Variants in ROBO1 observed in about 807,000 individuals in gnomAD.
ROBO1 encodes the protein roundabout guidance receptor 1.
Under a neutral mutation model 195.9 loss-of-function variants are expected in ROBO1, and 149 were observed. That is an observed-to-expected ratio of 0.76 (90% CI 0.67 to 0.87). The LOEUF (loss-of-function observed/expected upper bound fraction) is 0.87, where lower values mean the gene tolerates loss of function less well. ROBO1 is among the 40% of genes least tolerant of loss of function. ROBO1 has a pLI of 0.00. For missense variants in ROBO1, 1,933 were observed against 2,068.3 expected (o/e 0.93, Z 1.27); for synonymous variants, 816 against 733.2 (o/e 1.11, Z -1.82).
intron 3 of ROBO1, among the ~76,000 whole-genome samples, chr3:78,943,835 G>A (rs1352643277): frequency 6.6e-6 from 1 of 152,142 alleles, no homozygotes; most frequent in Non-Finnish European, 1.5e-5. Flanking sequence ...ACCCTTGGAG[G>A]TTATGACAAA....
At chr3:79,753,408 C>G (rs374938168) in intron 1 of ROBO1, among the ~76,000 whole-genome samples, 1 of 152,016 alleles carries the variant, frequency 6.6e-6, no homozygotes, top group African/African-American at 2.4e-5. Flanking sequence ...AGAAGTCAGA[C>G]AAAATAGGGT....
chr3:79,749,832 C>G (rs1175433063), intron 1 of ROBO1, among the ~76,000 whole-genome samples: 1 of 152,202 alleles, frequency 6.6e-6, no homozygotes, highest in Non-Finnish European at 1.5e-5. Context: ...GGGAAGGGAC[C>G]TCATGGAGAA....
At chr3:79,159,567 C>T (rs764213068) in intron 2 of ROBO1, among the ~76,000 whole-genome samples, 38 of 151,868 alleles carry the variant, frequency 2.5e-4, no homozygotes, top group Non-Finnish European at 5.2e-4. Context: ...AGAGAGCAAC[C>T]ATTTGATGTT....
chr3:79,056,575 A>G (rs1411945730), intron 3 of ROBO1, among the ~76,000 whole-genome samples: 2 of 152,124 alleles, frequency 1.3e-5, no homozygotes, highest in Non-Finnish European at 2.9e-5. Flanking sequence ...CTCTTGGGTA[A>G]CATTAATTAT....
At chr3:78,959,151 C>A (rs1239124257) in intron 3 of ROBO1, among the ~76,000 whole-genome samples, 1 of 151,892 alleles carries the variant, frequency 6.6e-6, no homozygotes, top group Non-Finnish European at 1.5e-5. Context: ...GAGCAAATAT[C>A]CCATCAAAAA....
intron 2 of ROBO1, among the ~76,000 whole-genome samples, chr3:79,479,562 C>T (rs1170034989): frequency 2.0e-5 from 3 of 152,084 alleles, no homozygotes; most frequent in Non-Finnish European, 4.4e-5. Context: ...GAGAATGGCC[C>T]AAAGCTGGTA....
At chr3:79,650,823 G>C (rs1945983033) in intron 1 of ROBO1, among the ~76,000 whole-genome samples, 1 of 151,700 alleles carries the variant, frequency 6.6e-6, no homozygotes, top group South Asian at 2.1e-4. Context: ...ACCATATAAA[G>C]GCCTGAGTCA....
chr3:78,895,148 A>AG lies in ROBO1; in HGVS notation c.499+43452dup, dbSNP rs1228110417. Among the ~76,000 whole-genome samples the AG allele has an allele frequency of 2.0e-5, 3 of 152,338 alleles. No homozygotes were observed. The East Asian group carries it at 5.8e-4, about 29-fold the overall frequency. On this transcript the variant is annotated intron_variant, in intron 4 of 30. Transcript: ENST00000464233. Reference sequence around the variant, plus strand: ...AGGGGAAGTATAATTTGGAGTGTGAAGGGTGCTAATGCAGACACAAATCAG... The same window carrying AG: ...AGGGGAAGTATAATTTGGAGTGTGAAGGGGTGCTAATGCAGACACAAATCAG...
chr3:79,610,450 T>C (rs1364436961), intron 1 of ROBO1, among the ~76,000 whole-genome samples: 2 of 152,094 alleles, frequency 1.3e-5, no homozygotes, highest in East Asian at 1.9e-4. Flanking sequence ...GCAAAAATAC[T>C]GTATTAAAAG....
intron 3 of ROBO1, among the ~76,000 whole-genome samples, chr3:79,095,068 C>A (rs937107550): frequency 6.6e-6 from 1 of 151,914 alleles, no homozygotes; most frequent in African/African-American, 2.4e-5. Context: ...ACTCCCTCAA[C>A]CTTCATAGGG....
rs1707348872 is a variant in ROBO1, at chr3:78,660,851, A to G, written c.2320+179T>C. Reference sequence around the variant, plus strand: ...CCACTATTGAAGCAAGTCAACTATTATAGCATTTTGCTTTTCTAGTTTTCT... The same window carrying G: ...CCACTATTGAAGCAAGTCAACTATTGTAGCATTTTGCTTTTCTAGTTTTCT... On this transcript the variant is annotated intron_variant, in intron 16 of 30. Coordinates refer to ENST00000464233, the MANE Select transcript of ROBO1 (RefSeq NM_002941.4). The G allele has an allele frequency of 5.5e-6, 3 of 544,372 alleles. No individual in the cohort carries two copies. The Admixed American group carries it at 9.8e-5, about 18-fold the overall frequency. The allele number at this position is 544,372 out of a possible 1,614,324, so 33.7% of individuals were successfully genotyped here. A position where few individuals can be genotyped will look rare whatever the true frequency, so the allele number is the denominator to read the frequency against.
chr3:78,652,630 C>A (rs1706743253), intron 18 of ROBO1, among the ~76,000 whole-genome samples: 1 of 152,066 alleles, frequency 6.6e-6, no homozygotes, highest in African/African-American at 2.4e-5. Context: ...TGAATAATCT[C>A]TGCATTAAAA....
At chr3:79,568,256 G>A (rs1288766979) in intron 2 of ROBO1, among the ~76,000 whole-genome samples, 1 of 152,022 alleles carries the variant, frequency 6.6e-6, no homozygotes, top group Non-Finnish European at 1.5e-5. Flanking sequence ...AGGGAAAATT[G>A]CTTGTCAATC....
intron 2 of ROBO1, among the ~76,000 whole-genome samples, chr3:79,391,122 C>CAAA (rs952765742): frequency 0.026 from 2,648 of 100,726 alleles, 87 homozygotes; most frequent in African/African-American, 0.086. Context: ...CTGTCTCTAC[C>CAAA]AAAAAAAAAA....
chr3:78,919,611 A>C (rs1344759777), intron 4 of ROBO1, among the ~76,000 whole-genome samples: 1 of 152,144 alleles, frequency 6.6e-6, no homozygotes, highest in Non-Finnish European at 1.5e-5. Flanking sequence ...CTCAGTATTG[A>C]TCCTGCCTGG....
intron 1 of ROBO1, among the ~76,000 whole-genome samples, chr3:79,646,242 G>A (rs900402832): frequency 1.3e-5 from 2 of 152,052 alleles, no homozygotes; most frequent in Non-Finnish European, 2.9e-5. Context: ...TTAAAAAAAT[G>A]GACAAAAGAT....
At chr3:78,950,390 T>C (rs1351140594) in intron 3 of ROBO1, among the ~76,000 whole-genome samples, 1 of 151,216 alleles carries the variant, frequency 6.6e-6, no homozygotes, top group Non-Finnish European at 1.5e-5. Flanking sequence ...AAACCACCAT[T>C]CTCCGCAAAC....
chr3:79,299,211 C>A (rs988046401), intron 2 of ROBO1, among the ~76,000 whole-genome samples: 5 of 152,106 alleles, frequency 3.3e-5, no homozygotes, highest in African/African-American at 1.2e-4. Flanking sequence ...TAGCATAGAC[C>A]AGTATTTCAA....
At chr3:79,496,705 C>A (rs1190083672) in intron 2 of ROBO1, among the ~76,000 whole-genome samples, 2 of 151,982 alleles carry the variant, frequency 1.3e-5, no homozygotes, top group Non-Finnish European at 2.9e-5. Flanking sequence ...CATTTTTATA[C>A]CTATCAAAAT....
Sources: allele counts gnomAD v4.1 joint callset (sites outside exome capture counted in the v4.1 genomes callset), GRCh38; gene constraint gnomAD v4.1.1; transcripts MANE v1.5; gene names NCBI Gene and HGNC (gene_info 2026-07-23, HGNC 2026-07-21).